The following SORCS3 variants were observed in gnomAD, a reference collection of about 807,000 sequenced individuals.
The protein encoded by SORCS3 is VPS10 domain-containing receptor SorCS3.
In SORCS3, 57 loss-of-function variants were observed where a neutral mutation model predicts 146.3. The observed-to-expected ratio is 0.39, with a 90% confidence interval of 0.31 to 0.49. SORCS3 has a LOEUF of 0.49. Among genes scored for constraint, SORCS3 ranks in the 20% least tolerant of loss-of-function variants. SORCS3 has a pLI of 0.92. For synonymous variants in SORCS3, 653 were observed against 618.5 expected (o/e 1.06, Z -0.83); for missense variants, 1,341 against 1,575.5 (o/e 0.85, Z 2.52).
At chr10:104,808,896 G>A (rs1469681407) in intron 1 of SORCS3, among the ~76,000 whole-genome samples, 1 of 152,216 alleles carries the variant, frequency 6.6e-6, no homozygotes, top group Non-Finnish European at 1.5e-5. Flanking sequence ...CTGGTAACTT[G>A]AAGACGTGCT....
chr10:104,702,122 A>G (rs1346240458), intron 1 of SORCS3, among the ~76,000 whole-genome samples: 1 of 152,162 alleles, frequency 6.6e-6, no homozygotes, highest in African/African-American at 2.4e-5. Flanking sequence ...GCTCATGGGC[A>G]GTAGTGTGCA....
intron 7 of SORCS3, among the ~76,000 whole-genome samples, chr10:105,113,938 G>T (rs1287788054): frequency 6.6e-6 from 1 of 152,170 alleles, no homozygotes; most frequent in Non-Finnish European, 1.5e-5. Flanking sequence ...GGGGAAAGCA[G>T]TAAGTTGATT....
chr10:105,230,651 G>T (rs1429487140), intron 20 of SORCS3, among the ~76,000 whole-genome samples: 1 of 152,160 alleles, frequency 6.6e-6, no homozygotes, highest in African/African-American at 2.4e-5. Flanking sequence ...ATGCACAGTG[G>T]CTCTGATGCT....
intron 1 of SORCS3, among the ~76,000 whole-genome samples, chr10:104,796,437 A>AT (rs58243391): frequency 0.091 from 13,197 of 144,702 alleles, 585 homozygotes; most frequent in South Asian, 0.14. Context: ...GATAATCTCC[A>AT]TTTTTTTTTT....
chr10:105,212,203 T>C (rs1453479082), intron 17 of SORCS3, among the ~76,000 whole-genome samples: 1 of 152,222 alleles, frequency 6.6e-6, no homozygotes, highest in Non-Finnish European at 1.5e-5. Flanking sequence ...AAAGAAGTGC[T>C]GACTGGTCTG....
intron 20 of SORCS3, among the ~76,000 whole-genome samples, chr10:105,233,368 AAT>A (rs1039356049): frequency 8.3e-6 from 1 of 120,656 alleles, no homozygotes; most frequent in Non-Finnish European, 2.1e-5. Flanking sequence ...ATGTTGAACA[AAT>A]TTTTTTTCTG....
rs542935968 is a variant in SORCS3 at position 104,975,944 on chromosome 10, A to G, written c.796-1391A>G. On this transcript the variant is annotated intron_variant, in intron 3 of 26. Transcript: ENST00000369701. ...ATTAAAGACTTAAACATTAGACCTA[A>G]AACCATAAAAACCCTAGAAGAAAAC... Among the ~76,000 whole-genome samples, 44 of 152,334 alleles carry G rather than the reference A, an allele frequency of 2.9e-4. No individual in the cohort carries two copies. The East Asian group carries it at 7.1e-3, about 25-fold the overall frequency.
intron 1 of SORCS3, among the ~76,000 whole-genome samples, chr10:104,731,810 G>A (rs2016709496): frequency 6.6e-6 from 1 of 152,176 alleles, no homozygotes; most frequent in Non-Finnish European, 1.5e-5. Flanking sequence ...AAGCATGAGT[G>A]AGGACAAATG....
intron 1 of SORCS3, among the ~76,000 whole-genome samples, chr10:104,681,012 C>T (rs1371483876): frequency 6.6e-6 from 1 of 152,214 alleles, no homozygotes; most frequent in African/African-American, 2.4e-5. Context: ...CCCTAGGACC[C>T]CACCTTCCGC....
chr10:104,953,468 C>T (rs1416674307), intron 3 of SORCS3, among the ~76,000 whole-genome samples: 2 of 152,206 alleles, frequency 1.3e-5, no homozygotes, highest in South Asian at 2.1e-4. Flanking sequence ...CAGGACTTTG[C>T]TCTCAGAGTT....
intron 5 of SORCS3, among the ~76,000 whole-genome samples, chr10:105,051,393 C>A (rs958094384): frequency 2.6e-5 from 4 of 152,072 alleles, no homozygotes; most frequent in Non-Finnish European, 4.4e-5. Flanking sequence ...TCTTGCACCT[C>A]TTCCCTGAAT....
chr10:105,016,961 T>C (rs1182416341), intron 4 of SORCS3, among the ~76,000 whole-genome samples: 1 of 152,222 alleles, frequency 6.6e-6, no homozygotes, highest in Non-Finnish European at 1.5e-5. Context: ...CTGATTTGAC[T>C]CTTGGAATCA....
Position 104,853,899 on chromosome 10 carries a change from C to A in SORCS3, c.695+11040C>A, listed in dbSNP as rs145866613. On this transcript the variant is annotated intron_variant, in intron 2 of 26. Transcript: ENST00000369701. The stretch of plus-strand genomic sequence containing the variant: ...TATGTGTCAGAGAATGTTCCAGGAG[C>A]TTTAACCATAAAAATACCACTTATA... Among the ~76,000 whole-genome samples, 795 of 152,258 alleles carry A rather than the reference C, an allele frequency of 5.2e-3. 19 individuals carry two copies. Among genetic ancestry groups the A allele is most frequent in the Admixed American group, 0.031 (475 of 15,296 alleles).
At chr10:104,859,565 A>G (rs2018376638) in intron 2 of SORCS3, among the ~76,000 whole-genome samples, 1 of 152,224 alleles carries the variant, frequency 6.6e-6, no homozygotes, top group East Asian at 1.9e-4. Context: ...AAAATTGACA[A>G]ATGGGATCTA....
chr10:104,732,780 C>T (rs183392541), intron 1 of SORCS3, among the ~76,000 whole-genome samples: 1 of 152,302 alleles, frequency 6.6e-6, no homozygotes, highest in East Asian at 1.9e-4. Flanking sequence ...AGTGCTTTAA[C>T]ATCTAGATGG....
At chr10:105,223,776 C>G (rs2056718183) in intron 20 of SORCS3, among the ~76,000 whole-genome samples, 1 of 152,222 alleles carries the variant, frequency 6.6e-6, no homozygotes, top group Admixed American at 6.5e-5. Context: ...AGGCCAAACT[C>G]TGGACTTGCC....
chr10:104,812,210 T>C (rs2017749095), intron 1 of SORCS3, among the ~76,000 whole-genome samples: 1 of 151,908 alleles, frequency 6.6e-6, no homozygotes, highest in Admixed American at 6.6e-5. Flanking sequence ...CAGTGATCAC[T>C]TCCCCACTAG....
intron 4 of SORCS3, among the ~76,000 whole-genome samples, chr10:105,014,690 C>G (rs893748873): frequency 7.7e-6 from 1 of 130,556 alleles, no homozygotes; most frequent in African/African-American, 3.6e-5. Context: ...TTGCTTTCCC[C>G]CAAAATTTAT....
At chr10:104,722,027 G>C (rs964958425) in intron 1 of SORCS3, among the ~76,000 whole-genome samples, 36 of 152,194 alleles carry the variant, frequency 2.4e-4, no homozygotes, top group Non-Finnish European at 4.0e-4. Context: ...GAATAGGAGT[G>C]ATGAGAGGGG....
Sources: allele counts gnomAD v4.1 joint callset (sites outside exome capture counted in the v4.1 genomes callset), GRCh38; gene constraint gnomAD v4.1.1; transcripts MANE v1.5; gene names NCBI Gene and HGNC (gene_info 2026-07-23, HGNC 2026-07-21).